DYNC1H1: variants seen among roughly 807,000 people sequenced by gnomAD.
DYNC1H1 encodes cytoplasmic dynein 1 heavy chain 1.
Under a neutral mutation model 527.1 loss-of-function variants are expected in DYNC1H1, and 51 were observed. The observed-to-expected ratio is 0.10, with a 90% CI of 0.08 to 0.12. DYNC1H1 has a LOEUF of 0.12. Ranked by LOEUF, DYNC1H1 falls within the 10% of genes least tolerant of loss-of-function variation. The probability of loss-of-function intolerance (pLI) is 1.00; values close to 1 mark genes in which losing one functional copy is unlikely to be tolerated. For missense variants in DYNC1H1, 2,771 were observed against 5,971.8 expected (o/e 0.46, Z 17.66); for synonymous variants, 2,189 against 2,278.8 (o/e 0.96, Z 1.12).
chr14:102,040,939 C>T (rs1364445765), intron 64 of DYNC1H1: 4 of 535,712 alleles, frequency 7.5e-6, no homozygotes, highest in Admixed American at 6.2e-5. Context: ...GCCTGGGCAG[C>T]AGACAGAGGC....
rs769162724 is a variant in DYNC1H1, at chr14:102,018,622, CAG to C, written c.8343+9_8343+10del. ...AGTTCTACACCATGTCTCAGGTACG[CAG>C]AGTTTCTTTGCTCTTCCAGAAATTG... On this transcript the variant is annotated splice_region_variant and intron_variant, in intron 41 of 77. Transcript: ENST00000360184. The surrounding 1 kb of genome is among the most constrained non-coding windows in gnomAD (Gnocchi z 5.2). 4.3e-6 allele frequency: 7 copies of C among 1,613,476 alleles called. No homozygotes were observed. Among genetic ancestry groups the C allele is most frequent in the Admixed American group, 1.7e-5 (1 of 60,018 alleles).
Position 101,965,023 on chromosome 14 carries a change from G to A in DYNC1H1, c.256+76G>A. 2.0e-6 allele frequency: 3 copies of A among 1,464,918 alleles called. No homozygotes were observed. Among genetic ancestry groups the A allele is most frequent in the South Asian group, 1.2e-5 (1 of 80,424 alleles). The allele number at this position is 1,464,918 out of a possible 1,614,324, so 90.7% of individuals were successfully genotyped here. On this transcript the variant is annotated intron_variant, in intron 1 of 77. Coordinates refer to ENST00000360184, the MANE Select transcript of DYNC1H1 (RefSeq NM_001376.5). The surrounding 1 kb of genome is among the most constrained non-coding windows in gnomAD (Gnocchi z 4.1). The stretch of plus-strand genomic sequence containing the variant: ...AGGGCCTGCCAGGTCCTCCGGGGTC[G>A]CAGATGTCCCCGGGATGGGAGGAGC...
At position 102,029,522 on chromosome 14, in the gene DYNC1H1, T is replaced by C. The variant is rs774206861; in HGVS notation, c.9469-17T>C. On this transcript the variant is annotated splice_polypyrimidine_tract_variant and intron_variant, in intron 48 of 77. Transcript: ENST00000360184. This position sits in a 1 kb window ranked among gnomAD's most constrained non-coding sequence, Gnocchi z 5.3. ...GAGTTTCCTGAAGAGTGAGAAGATG[T>C]AACTATTTTCTGAAAGGCGAATGCT... 1.2e-6 allele frequency: 2 copies of C among 1,613,980 alleles called. No individual in the cohort carries two copies. Among genetic ancestry groups the C allele is most frequent in the Non-Finnish European group, 1.7e-6 (2 of 1,179,990 alleles).
At position 102,020,915 on chromosome 14, in the gene DYNC1H1, A is replaced by G. The variant is rs1430582105; in HGVS notation, c.8507+859A>G. On this transcript the variant is annotated intron_variant, in intron 42 of 77. Coordinates refer to ENST00000360184, the MANE Select transcript of DYNC1H1 (RefSeq NM_001376.5). The surrounding 1 kb of genome is among the most constrained non-coding windows in gnomAD (Gnocchi z 4.3). ...CGAGTCCTTGGCATTCTTGGGCAACACCGGGTACATTACTGACAGCCACTG... is the reference window on the plus strand; with the variant it reads ...CGAGTCCTTGGCATTCTTGGGCAACGCCGGGTACATTACTGACAGCCACTG... 2.6e-5 allele frequency among the ~76,000 whole-genome samples: 4 copies of G among 152,202 alleles called. No individual in the cohort carries two copies.
At chr14:101,993,815 G>A (rs941706817) in intron 11 of DYNC1H1, among the ~76,000 whole-genome samples, 2 of 152,034 alleles carry the variant, frequency 1.3e-5, no homozygotes, top group African/African-American at 4.8e-5. Flanking sequence ...TTCCCTAATC[G>A]CGTCTCTCCT....
intron 1 of DYNC1H1, among the ~76,000 whole-genome samples, chr14:101,970,941 A>G (rs189960555): frequency 2.6e-5 from 4 of 152,222 alleles, no homozygotes; most frequent in African/African-American, 9.6e-5. Context: ...TGGAAGGAAG[A>G]GTACATGAGG....
chr14:102,000,038 G>T lies in DYNC1H1; in HGVS notation c.3854G>T (p.Gly1285Val). ...CTTCAGGCTCTCACCATATATGAGGGGAAGTTTGGTAGGCTGAAGGACGAC... is the reference window on the plus strand; with the variant it reads ...CTTCAGGCTCTCACCATATATGAGGTGAAGTTTGGTAGGCTGAAGGACGAC... ...EALQALTIYE[G>V]KFGRLKDDRE... The change falls in exon 17 of 78, where the codon GGG (glycine) becomes GTG (valine). Residue 1285 changes from glycine (G) to valine (V), a missense_variant. By Grantham distance (109) the Gly-to-Val change is moderately radical. Coordinates refer to ENST00000360184, the MANE Select transcript of DYNC1H1 (RefSeq NM_001376.5). 6.2e-7 allele frequency: 1 copy of T among 1,614,224 alleles called. No homozygotes were observed.
rs577495983 is a variant in DYNC1H1, at chr14:102,050,769, G to A, written c.*206G>A. 125 of 708,630 alleles carry A rather than the reference G, an allele frequency of 1.8e-4. No individual in the cohort carries two copies. Among genetic ancestry groups the A allele is most frequent in the Non-Finnish European group, 2.4e-4 (105 of 430,122 alleles). 43.9% of individuals were successfully genotyped at this position (708,630 alleles called of 1,614,324 possible). A position where few individuals can be genotyped will look rare whatever the true frequency, so the allele number is the denominator to read the frequency against. On this transcript the variant is annotated 3_prime_UTR_variant, in exon 78 of 78. Transcript: ENST00000360184. ...GGAAGGCCAATGGCGTGGCTCCTTT[G>A]AGGAAATAAAACACTAAGCATGAGC...
rs17540783 is a variant in DYNC1H1, at chr14:101,987,271, T to C, written c.2539-182T>C. 5.5e-3 allele frequency among the ~76,000 whole-genome samples: 845 copies of C among 152,322 alleles called. 17 individuals are homozygous for C. The highest frequency in any genetic ancestry group is 0.037 in the East Asian group (190 of 5,192). On this transcript the variant is annotated intron_variant, in intron 8 of 77. Coordinates refer to ENST00000360184, the MANE Select transcript of DYNC1H1 (RefSeq NM_001376.5). ...TGGGGAGGCTCCATGCATTTTCCTT[T>C]CCTCTGCAAGGACATGCGAGTGGGG...
chr14:102,008,066 AGAC>A, intron 28 of DYNC1H1, 109 bp from the exon 29 acceptor site: 1 of 1,508,394 alleles, frequency 6.6e-7, no homozygotes, highest in Non-Finnish European at 9.1e-7. Flanking sequence ...CTTTCGCTAA[AGAC>A]AAACCCACTA....
rs752707211 is a variant in DYNC1H1, at chr14:102,010,012, C to T, written c.6147C>T (p.Ile2049=). The T allele has an allele frequency of 8.1e-6, 13 of 1,614,080 alleles. No homozygotes were observed. The highest frequency in any genetic ancestry group is 1.1e-5 in the South Asian group (1 of 91,078). The change falls in exon 30 of 78, where the codon ATC becomes ATT. Residue 2049 remains isoleucine (I), a synonymous_variant. Coordinates refer to ENST00000360184, the MANE Select transcript of DYNC1H1 (RefSeq NM_001376.5). The surrounding 1 kb of genome is among the most constrained non-coding windows in gnomAD (Gnocchi z 6.0). The part of the protein sequence containing the change: ...LAMTKPDRQL[I]AQVMLYSQGF... ...TGACCAAGCCCGACCGGCAGTTAAT[C>T]GCCCAGGTCATGCTGTACTCACAGG...
intron 77 of DYNC1H1, 31 bp downstream of exon 77, chr14:102,050,229 T>G (rs2048788957): frequency 1.2e-6 from 2 of 1,613,698 alleles, no homozygotes; most frequent in Non-Finnish European, 1.7e-6. Flanking sequence ...CCAGGCATTC[T>G]GCAGGGACCC....
chr14:102,051,007 C>T lies in DYNC1H1; in HGVS notation c.*444C>T. On this transcript the variant is annotated 3_prime_UTR_variant, in exon 78 of 78. Transcript: ENST00000360184. ...AGCTGTGGCTCTGAAGGCCCTGGGGCCCGGGCACCATGGTTCACACCTTTA... is the reference window on the plus strand; with the variant it reads ...AGCTGTGGCTCTGAAGGCCCTGGGGTCCGGGCACCATGGTTCACACCTTTA... 3.6e-6 allele frequency: 1 copy of T among 277,768 alleles called. No individual in the cohort carries two copies. The highest frequency in any genetic ancestry group is 9.6e-5 in the East Asian group (1 of 10,466). 17.2% of individuals were successfully genotyped at this position (277,768 alleles called of 1,614,324 possible).
intron 5 of DYNC1H1, among the ~76,000 whole-genome samples, chr14:101,982,661 AC>A (rs1158497134): frequency 7.5e-6 from 1 of 133,318 alleles, no homozygotes; most frequent in African/African-American, 2.8e-5. Flanking sequence ...GAAACTACCC[AC>A]CCCCCCACCA....
At position 102,052,484 on chromosome 14, in the gene DYNC1H1, C is replaced by T. The variant is rs903032813; in HGVS notation, c.*1921C>T. On this transcript the variant is annotated 3_prime_UTR_variant, in exon 78 of 78. Transcript: ENST00000360184. ...TCAGCTTTGATCAGAAGAGCCCCTG[C>T]TCCTCTTGGGCTGGGACCCCTTCCT... 2 of 152,364 alleles carry T rather than the reference C, an allele frequency of 1.3e-5. No individual in the cohort carries two copies. Among genetic ancestry groups the T allele is most frequent in the Non-Finnish European group, 2.9e-5 (2 of 68,156 alleles). 9.4% of individuals were successfully genotyped at this position (152,364 alleles called of 1,614,324 possible).
rs1370803708 is a variant in DYNC1H1 at position 102,002,088 on chromosome 14, G to A, written c.4542+407G>A. 6.7e-6 allele frequency among the ~76,000 whole-genome samples: 1 copy of A among 149,768 alleles called. No individual in the cohort carries two copies. Among genetic ancestry groups the A allele is most frequent in the Non-Finnish European group, 1.5e-5 (1 of 67,426 alleles). On this transcript the variant is annotated intron_variant, in intron 21 of 77. Transcript: ENST00000360184. This position sits in a 1 kb window ranked among gnomAD's most constrained non-coding sequence, Gnocchi z 4.4. ...ACAGCCAGTCAATACTTGTTTTTTT[G>A]TTTGTTTGCTTGCTTTTTTGTTTTT...
chr14:101,982,983 A>G (rs761208373), intron 5 of DYNC1H1, 36 bp from the exon 6 acceptor site: 14 of 1,608,472 alleles, frequency 8.7e-6, no homozygotes, highest in Non-Finnish European at 1.2e-5. Flanking sequence ...TTGTTACTTT[A>G]TGTGAAAACC....
rs1403875559 is a variant in DYNC1H1 at position 101,983,839 on chromosome 14, G to A, written c.1461+230G>A. ...ATTACAGGTGCCTGCCACCACGCCC[G>A]GCTAATTGTTTATATTTTGAGTAGA... On this transcript the variant is annotated intron_variant, in intron 7 of 77. Coordinates refer to ENST00000360184, the MANE Select transcript of DYNC1H1 (RefSeq NM_001376.5). This position sits in a 1 kb window ranked among gnomAD's most constrained non-coding sequence, Gnocchi z 5.3. Among the ~76,000 whole-genome samples, 4 of 151,806 alleles carry A rather than the reference G, an allele frequency of 2.6e-5. No homozygotes were observed. The highest frequency in any genetic ancestry group is 7.3e-5 in the African/African-American group (3 of 41,310).
At chr14:102,030,099 T>A in intron 50 of DYNC1H1, 63 bp from the exon 51 acceptor site, 1 of 1,612,358 alleles carries the variant, frequency 6.2e-7, no homozygotes, top group Non-Finnish European at 8.5e-7. Flanking sequence ...AGAATGTTGT[T>A]TAGAATTTAG....
Sources: allele counts gnomAD v4.1 joint callset (sites outside exome capture counted in the v4.1 genomes callset), GRCh38; gene constraint gnomAD v4.1.1; non-coding constraint Gnocchi (gnomAD v3.1); transcripts MANE v1.5; gene names NCBI Gene and HGNC (gene_info 2026-07-23, HGNC 2026-07-21).